KATNAL2: variants seen among roughly 807,000 people sequenced by gnomAD.
KATNAL2 encodes the protein katanin catalytic subunit A1 like 2.
KATNAL2 carries 52 observed loss-of-function variants against 76.3 expected under a neutral mutation model. The observed-to-expected ratio is 0.68, with a 90% CI of 0.55 to 0.86. The LOEUF (loss-of-function observed/expected upper bound fraction) is 0.86, where lower values mean the gene tolerates loss of function less well. KATNAL2 is among the 40% of genes least tolerant of loss of function. The pLI, the probability that KATNAL2 is intolerant of heterozygous loss-of-function variation, is 0.00. For missense variants in KATNAL2, 660 were observed against 668.9 expected (o/e 0.99, Z 0.15); for synonymous variants, 243 against 244.2 (o/e 1.00, Z 0.05).
At chr18:47,035,030 C>A in intron 3 of KATNAL2, 1 of 1,611,746 alleles carries the variant, frequency 6.2e-7, no homozygotes. Context: ...TTTCGGTCCA[C>A]GAGCACCAGC....
At chr18:46,945,513 G>T (rs1041079847) in intron 1 of KATNAL2, among the ~76,000 whole-genome samples, 9 of 152,192 alleles carry the variant, frequency 5.9e-5, no homozygotes, top group African/African-American at 2.2e-4. Context: ...GAGTGGGGTT[G>T]CCTGTATCCA....
In KATNAL2 at chr18:47,035,220, C is replaced by G. The variant is rs774788358; in HGVS notation, c.52-11237C>G. The G allele has an allele frequency of 4.2e-5, 67 of 1,612,672 alleles. No individual in the cohort carries two copies. The highest frequency in any genetic ancestry group is 4.0e-5 in the Non-Finnish European group (47 of 1,179,874). The stretch of plus-strand genomic sequence containing the variant: ...GCTCCGTCTTAGTGGCCAGACGCAC[C>G]TGCAGCTTCTCCACTGCGTGCAGCG... On this transcript the variant is annotated intron_variant, in intron 3 of 17. Coordinates refer to ENST00000683218, the MANE Select transcript of KATNAL2 (RefSeq NM_001387690.1).
intron 3 of KATNAL2, chr18:46,968,805 TGCTGCTGCCGCCGCCGCTCAC>T: frequency 5.1e-6 from 2 of 389,178 alleles, no homozygotes; most frequent in Non-Finnish European, 8.5e-6. Context: ...GCGTGCCGGT[TGCTGCTGCCGCCGCCGCTCAC>T]GCTGCCGCCG....
intron 5 of KATNAL2, 47 bp from the exon 6 acceptor site, chr18:47,054,349 A>C: frequency 1.3e-6 from 2 of 1,530,888 alleles, no homozygotes; most frequent in Non-Finnish European, 1.8e-6. Flanking sequence ...TCACTTTGTC[A>C]CTCTTAAAAT....
chr18:47,086,011 T>G (rs2062757541), intron 15 of KATNAL2, among the ~76,000 whole-genome samples: 1 of 152,088 alleles, frequency 6.6e-6, no homozygotes, highest in Admixed American at 6.5e-5. Context: ...GAGAATTGCT[T>G]GAGCCCAGGA....
At chr18:47,056,079 C>T (rs946498154) in intron 6 of KATNAL2, among the ~76,000 whole-genome samples, 1 of 152,028 alleles carries the variant, frequency 6.6e-6, no homozygotes, top group African/African-American at 2.4e-5. Context: ...ATTTATAATC[C>T]CCACTTAAAG....
chr18:47,033,752 C>T (rs72921305), intron 3 of KATNAL2: 24,716 of 1,614,208 alleles, frequency 0.015, 224 homozygotes, highest in Admixed American at 0.019. Flanking sequence ...ACTCTGCGTC[C>T]AGGGAAAGCA....
chr18:46,952,957 C>A (rs1437745606), intron 3 of KATNAL2, among the ~76,000 whole-genome samples: 2 of 136,218 alleles, frequency 1.5e-5, no homozygotes, highest in Non-Finnish European at 3.1e-5. Context: ...TACAGTGGCA[C>A]GATCTCGGCT....
intron 15 of KATNAL2, among the ~76,000 whole-genome samples, chr18:47,080,478 A>G (rs1261489045): frequency 1.3e-5 from 2 of 152,134 alleles, no homozygotes; most frequent in Non-Finnish European, 2.9e-5. Context: ...CATTTCCCCT[A>G]TGCCTACATC....
At chr18:47,065,808 G>A (rs549302515) in intron 10 of KATNAL2, among the ~76,000 whole-genome samples, 8 of 151,572 alleles carry the variant, frequency 5.3e-5, no homozygotes, top group South Asian at 4.2e-4. Context: ...GTGAGACTCC[G>A]TGTCTACAAA....
chr18:46,967,889 G>A (rs1481123981), intron 3 of KATNAL2, among the ~76,000 whole-genome samples: 5 of 117,786 alleles, frequency 4.2e-5, no homozygotes, highest in Non-Finnish European at 5.7e-5. Flanking sequence ...GCAGTTGTTA[G>A]CATTTATGTA....
Position 47,075,309 on chromosome 18 carries a change from A to G in KATNAL2, c.1041A>G (p.Pro347=). The change falls in exon 14 of 18, where the codon CCA becomes CCG. Residue 347 remains proline (P), a synonymous_variant. Coordinates refer to ENST00000683218, the MANE Select transcript of KATNAL2 (RefSeq NM_001387690.1). ...TTGAGCTTGCCCGCTACCACGCCCC[A>G]TCCACGATCTTCCTGGACGAGCTGG... is the stretch of plus-strand genomic sequence containing the variant. ...VLFELARYHA[P]STIFLDELES... The G allele has an allele frequency of 6.4e-7, 1 of 1,563,638 alleles. No homozygotes were observed. The highest frequency in any genetic ancestry group is 8.6e-7 in the Non-Finnish European group (1 of 1,159,840).
chr18:46,952,614 T>A (rs1569011631), intron 3 of KATNAL2, among the ~76,000 whole-genome samples: 1 of 152,060 alleles, frequency 6.6e-6, no homozygotes, highest in Non-Finnish European at 1.5e-5. Flanking sequence ...TTGGTCAGGC[T>A]GATCTCGAAC....
rs796430702 is a variant in KATNAL2, at chr18:47,059,591, C to T, written c.486C>T (p.Asn162=). 6.8e-6 allele frequency: 11 copies of T among 1,613,594 alleles called. No individual in the cohort carries two copies. Among genetic ancestry groups the T allele is most frequent in the South Asian group, 1.1e-5 (1 of 91,082 alleles). ...VVDNTRLESA[N]FGLHISRIRK... Reference sequence around the variant, plus strand: ...ATAACACTCGCCTGGAAAGTGCCAACTTCGGCCTACATATATCAAGAATCC... The same window carrying T: ...ATAACACTCGCCTGGAAAGTGCCAATTTCGGCCTACATATATCAAGAATCC... The change falls in exon 8 of 18, where the codon AAC becomes AAT. Residue 162 remains asparagine (N), a synonymous_variant. Transcript: ENST00000683218.
chr18:47,029,244 GCGT>G (rs1325318369), intron 3 of KATNAL2: 1 of 711,142 alleles, frequency 1.4e-6, no homozygotes, highest in South Asian at 2.3e-5. Context: ...GCCCTGAGCG[GCGT>G]GAGCGTGGCC....
chr18:46,948,888 T>TTGTGTGTGTGTGTGTGTGTG (rs71264810), intron 3 of KATNAL2, among the ~76,000 whole-genome samples: 2 of 145,796 alleles, frequency 1.4e-5, no homozygotes, highest in African/African-American at 5.1e-5. Flanking sequence ...AGTATCTGCA[T>TTGTGTGTGTGTGTGTGTGTG]TGTGTGTGTG....
chr18:47,037,161 C>T (rs1361906183), intron 3 of KATNAL2, among the ~76,000 whole-genome samples: 3 of 152,062 alleles, frequency 2.0e-5, no homozygotes, highest in Non-Finnish European at 4.4e-5. Context: ...CCATTGCACC[C>T]GTAAAAAGGA....
intron 17 of KATNAL2, 108 bp downstream of exon 17, chr18:47,100,464 T>A: frequency 2.4e-6 from 2 of 841,332 alleles, no homozygotes; most frequent in Non-Finnish European, 3.7e-6. Context: ...CACTTGGCAA[T>A]GCGTTTTTTG....
At chr18:47,039,544 G>T (rs1214985804) in intron 3 of KATNAL2, among the ~76,000 whole-genome samples, 1 of 152,026 alleles carries the variant, frequency 6.6e-6, no homozygotes, top group African/African-American at 2.4e-5. Context: ...CTTCCTCTGG[G>T]TATATGCATG....
Sources: gnomAD v4.1 joint callset for allele counts (sites outside exome capture counted in the v4.1 genomes callset) on GRCh38, gnomAD v4.1.1 for gene constraint, MANE v1.5 for transcripts, NCBI Gene and HGNC (gene_info 2026-07-23, HGNC 2026-07-21) for gene names.